Variants in BFSP1 observed in about 807,000 individuals in gnomAD.
BFSP1 encodes the protein filensin.
Under a neutral mutation model 43.9 loss-of-function variants are expected in BFSP1, and 38 were observed. The observed-to-expected ratio is 0.87, with a 90% CI of 0.67 to 1.14. The LOEUF is 1.14. BFSP1 is among the 50% of genes most tolerant of loss of function. The pLI is 0.00. For missense variants in BFSP1, 850 were observed against 875.1 expected, an observed-to-expected ratio of 0.97 and a Z score of 0.36; for synonymous variants, 352 against 354.8, an observed-to-expected ratio of 0.99 and a Z score of 0.09.
chr20:17,556,098 G>A (rs538965155), intron 1 of BFSP1, among the ~76,000 whole-genome samples: 25 of 152,050 alleles, frequency 1.6e-4, no homozygotes, highest in African/African-American at 6.0e-4. Flanking sequence ...AAAAGTTTTG[G>A]GGAAAATGGA....
chr20:17,566,285 A>G (rs1003080810), intron 1 of BFSP1, among the ~76,000 whole-genome samples: 1 of 152,086 alleles, frequency 6.6e-6, no homozygotes, highest in Non-Finnish European at 1.5e-5. Context: ...ATTAATACAC[A>G]TCTCTCTTCA....
At position 17,528,212 on chromosome 20, in the gene BFSP1, A is replaced by T. The variant is rs149724632; in HGVS notation, c.377+2741T>A. ...TTCCCACTACCACAATCCAAATGTC[A>T]AAACTTCTCCAAGGGGGCAAAGGGA... On this transcript the variant is annotated intron_variant, in intron 1 of 7. Transcript: ENST00000377873. 6.8e-3 allele frequency among the ~76,000 whole-genome samples: 1,031 copies of T among 152,366 alleles called. 7 individuals carry two copies. The highest frequency in any genetic ancestry group is 0.011 in the Non-Finnish European group (729 of 68,042).
intron 2 of BFSP1, among the ~76,000 whole-genome samples, chr20:17,516,191 G>A (rs2034195659): frequency 6.6e-6 from 1 of 152,126 alleles, no homozygotes; most frequent in Non-Finnish European, 1.5e-5. Flanking sequence ...GCTGGGCATG[G>A]TGGCACATGC....
intron 1 of BFSP1, among the ~76,000 whole-genome samples, chr20:17,536,393 A>G (rs1049124673): frequency 6.6e-6 from 1 of 152,276 alleles, no homozygotes; most frequent in East Asian, 1.9e-4. Context: ...TCGACAAAAA[A>G]TATAGGCACA....
chr20:17,494,738 T>C lies in BFSP1; in HGVS notation c.1334A>G (p.Tyr445Cys), dbSNP rs1191207280. Residue 445 changes from tyrosine (Y) to cysteine (C), a missense_variant, in exon 8 of 8, where the codon TAC becomes TGC. By Grantham distance (194) the Tyr-to-Cys change is radical. Coordinates refer to ENST00000377873, the MANE Select transcript of BFSP1 (RefSeq NM_001195.5). ...GQISKGFGKL[Y>C]RKVKEKVRSP... is the part of the protein sequence containing the mutation. ...TCTCACTTTCTCCTTGACCTTCCTG[T>C]ATAGTTTCCCAAAGCCTTTGCTTAT... 3.1e-6 allele frequency: 5 copies of C among 1,614,036 alleles called. No individual in the cohort carries two copies. The highest frequency in any genetic ancestry group is 2.7e-5 in the African/African-American group (2 of 74,922).
intron 1 of BFSP1, chr20:17,565,832 T>C (rs545772114): frequency 6.6e-6 from 1 of 152,156 alleles, no homozygotes. Flanking sequence ...AAGAGACTAC[T>C]GACGGCCGGG....
At chr20:17,509,578 C>T (rs2034026470) in intron 4 of BFSP1, among the ~76,000 whole-genome samples, 1 of 133,966 alleles carries the variant, frequency 7.5e-6, no homozygotes, top group South Asian at 2.2e-4. Context: ...CATGAACCTA[C>T]TAAGAGACTC....
intron 5 of BFSP1, among the ~76,000 whole-genome samples, chr20:17,508,255 G>A (rs953545012): frequency 2.0e-5 from 3 of 151,276 alleles, no homozygotes; most frequent in Middle Eastern, 3.2e-3. Context: ...GAACAAAGAA[G>A]ATGAGCCGGC....
upstream of BFSP1, chr20:17,560,842 C>A (rs753969955): frequency 5.3e-5 from 8 of 152,240 alleles, no homozygotes; most frequent in Non-Finnish European, 1.0e-4. Flanking sequence ...GAGCTTGCCA[C>A]AACCAGCCCA....
At chr20:17,522,048 G>A (rs377733304) in intron 2 of BFSP1, among the ~76,000 whole-genome samples, 8 of 152,298 alleles carry the variant, frequency 5.3e-5, no homozygotes, top group South Asian at 4.1e-4. Flanking sequence ...GGTGTTCAGC[G>A]TGTCTGAGTG....
At chr20:17,509,693 C>T (rs948664189) in intron 4 of BFSP1, among the ~76,000 whole-genome samples, 2 of 152,196 alleles carry the variant, frequency 1.3e-5, no homozygotes, top group Admixed American at 6.5e-5. Context: ...AGCCGCGAGC[C>T]ATACGCTGTG....
intron 6 of BFSP1, among the ~76,000 whole-genome samples, chr20:17,497,455 T>TACAC (rs750013080): frequency 3.8e-4 from 14 of 36,978 alleles, no homozygotes; most frequent in South Asian, 2.0e-3. Flanking sequence ...TATGTATATA[T>TACAC]ATATACACAC....
intron 5 of BFSP1, among the ~76,000 whole-genome samples, chr20:17,501,878 C>T (rs1342375383): frequency 6.6e-6 from 1 of 152,182 alleles, no homozygotes; most frequent in Non-Finnish European, 1.5e-5. Context: ...TCTCAGAAAT[C>T]GCAGAGTTGG....
chr20:17,527,913 GT>G (rs1236123387), intron 1 of BFSP1, among the ~76,000 whole-genome samples: 1 of 152,092 alleles, frequency 6.6e-6, no homozygotes, highest in African/African-American at 2.4e-5. Flanking sequence ...TATTTTGATA[GT>G]TTTGTTTTTA....
At chr20:17,523,970 T>A (rs1022221050) in intron 2 of BFSP1, among the ~76,000 whole-genome samples, 1 of 152,096 alleles carries the variant, frequency 6.6e-6, no homozygotes, top group Non-Finnish European at 1.5e-5. Context: ...AAAGCATACC[T>A]GGGCATGGCA....
At chr20:17,522,296 T>A (rs2123511378) in intron 2 of BFSP1, among the ~76,000 whole-genome samples, 1 of 152,318 alleles carries the variant, frequency 6.6e-6, no homozygotes, top group East Asian at 1.9e-4. Context: ...GTGAGTTTCC[T>A]CACTGGCCCA....
chr20:17,509,526 G>A (rs35579921), intron 4 of BFSP1, among the ~76,000 whole-genome samples: 69,042 of 151,954 alleles, frequency 0.45, 16,452 homozygotes, highest in African/African-American at 0.56. Context: ...GTGACATGCC[G>A]GGACCAAGTA....
chr20:17,507,104 T>A lies in BFSP1; in HGVS notation c.735+1785A>T, dbSNP rs773713260. ...CTTATTTTGATATTCAACAAATACC[T>A]GTACATAAAGAGAGGAACATTCTTT... On this transcript the variant is annotated intron_variant, in intron 5 of 7. Transcript: ENST00000377873. This position sits in a 1 kb window ranked among gnomAD's most constrained non-coding sequence, Gnocchi z 4.4. The A allele has an allele frequency of 2.0e-5, 3 of 152,226 alleles. No homozygotes were observed. Among genetic ancestry groups the A allele is most frequent in the African/African-American group, 4.8e-5 (2 of 41,460 alleles). 9.4% of individuals were successfully genotyped at this position (152,226 alleles called of 1,614,324 possible).
intron 6 of BFSP1, 96 bp from the exon 7 acceptor site, chr20:17,497,119 T>C: frequency 1.1e-6 from 1 of 904,190 alleles, no homozygotes; most frequent in Non-Finnish European, 1.6e-6. Context: ...AAGCTTTCTC[T>C]AGACCAAATT....
Sources: gnomAD v4.1 joint callset for allele counts (sites outside exome capture counted in the v4.1 genomes callset) on GRCh38, gnomAD v4.1.1 for gene constraint, Gnocchi (gnomAD v3.1) non-coding constraint, MANE v1.5 for transcripts, NCBI Gene and HGNC (gene_info 2026-07-23, HGNC 2026-07-21) for gene names.